HEATR4: variants seen among roughly 807,000 people sequenced by gnomAD.
The protein encoded by HEATR4 is HEAT repeat containing 4, also known as HEAT repeat-containing protein 4.
HEATR4 carries 95 observed loss-of-function variants against 108.8 expected under a neutral mutation model. That is an observed-to-expected ratio of 0.87 (90% CI 0.74 to 1.04). HEATR4 has a LOEUF of 1.04. Among genes scored for constraint, HEATR4 ranks in the 50% least tolerant of loss-of-function variants. The pLI, the probability that HEATR4 is intolerant of heterozygous loss-of-function variation, is 0.00. For synonymous variants in HEATR4, 443 were observed against 459.4 expected (o/e 0.96, Z 0.46); for missense variants, 1,152 against 1,253.8 (o/e 0.92, Z 1.23).
intron 2 of HEATR4, among the ~76,000 whole-genome samples, chr14:73,527,961 CAAAAAAA>C (rs34109465): frequency 0.011 from 602 of 52,728 alleles, 1 homozygote; most frequent in Admixed American, 0.019. Context: ...AACTCCATCT[CAAAAAAA>C]AAAAAAAAAA....
chr14:73,574,123 G>A, the HEATR4 span, among the ~76,000 whole-genome samples: 3 of 151,306 alleles, frequency 2.0e-5, no homozygotes, highest in Admixed American at 6.6e-5. Context: ...TGCCCACCTT[G>A]GCCTCCCAGA....
chr14:73,512,938 A>G (rs1464516556), intron 6 of HEATR4, among the ~76,000 whole-genome samples: 3 of 152,190 alleles, frequency 2.0e-5, no homozygotes, highest in Non-Finnish European at 4.4e-5. Flanking sequence ...CTCAAATACC[A>G]TAGCTTTCAA....
the HEATR4 span, among the ~76,000 whole-genome samples, chr14:73,615,388 T>TAAAAAAAAAAAAAAA: frequency 7.9e-5 from 5 of 63,314 alleles, no homozygotes; most frequent in African/African-American, 5.0e-4. Context: ...CTCTGTCTGA[T>TAAAAAAAAAAAAAAA]AAAAAAAAAA....
At chr14:73,614,746 CAAAA>C in the HEATR4 span, among the ~76,000 whole-genome samples, 12 of 113,030 alleles carry the variant, frequency 1.1e-4, no homozygotes, top group Non-Finnish European at 9.0e-5. Flanking sequence ...GACCCTGTCT[CAAAA>C]AAAAAAAAAA....
the HEATR4 span, among the ~76,000 whole-genome samples, chr14:73,564,206 G>T: frequency 6.6e-6 from 1 of 151,540 alleles, no homozygotes; most frequent in South Asian, 2.1e-4. Flanking sequence ...GCTGAGGCAG[G>T]TGAATCGCTG....
At position 73,535,792 on chromosome 14, in the gene HEATR4, A is replaced by C. The variant is rs1339726920; in HGVS notation, c.-151-5548T>G. On this transcript the variant is annotated intron_variant, in intron 1 of 17. Coordinates refer to ENST00000553558, the MANE Select transcript of HEATR4 (RefSeq NM_001220484.1). ...CCGCGCCTGGCCCCTTTTTCTTGTT[A>C]GAGACAGGGTCTTATCCAGGTTGGT... 3.5e-5 allele frequency among the ~76,000 whole-genome samples: 4 copies of C among 114,312 alleles called. 1 individual carries two copies. The highest frequency in any genetic ancestry group is 5.7e-5 in the Non-Finnish European group (3 of 52,458). 75.0% of individuals were successfully genotyped at this position (114,312 alleles called of 152,430 possible).
chr14:73,628,542 T>G, the HEATR4 span, among the ~76,000 whole-genome samples: 8 of 152,074 alleles, frequency 5.3e-5, no homozygotes, highest in Non-Finnish European at 1.0e-4. Context: ...TCATCTGAGG[T>G]CAAGAGTTTG....
At position 73,533,806 on chromosome 14, in the gene HEATR4, G is replaced by A. The variant is rs1378855946; in HGVS notation, c.-151-3562C>T. Among the ~76,000 whole-genome samples, 3 of 104,548 alleles carry A rather than the reference G, an allele frequency of 2.9e-5. 1 individual carries two copies. Among genetic ancestry groups the A allele is most frequent in the Non-Finnish European group, 6.0e-5 (3 of 49,628 alleles). 68.6% of individuals were successfully genotyped at this position (104,548 alleles called of 152,430 possible). A position where few individuals can be genotyped will look rare whatever the true frequency, so the allele number is the denominator to read the frequency against. Reference sequence around the variant, plus strand: ...CTCATGCGTGTAATTCTAGCGCTTTGAGAGGCCAAGGCAGGATGATCACTT... The same window carrying A: ...CTCATGCGTGTAATTCTAGCGCTTTAAGAGGCCAAGGCAGGATGATCACTT... On this transcript the variant is annotated intron_variant, in intron 1 of 17. Transcript: ENST00000553558.
the HEATR4 span, chr14:73,619,624 C>G: frequency 6.2e-7 from 1 of 1,614,048 alleles, no homozygotes. Flanking sequence ...AGAAAGACCC[C>G]AGATAATCTG....
the HEATR4 span, among the ~76,000 whole-genome samples, chr14:73,567,077 G>A: frequency 6.6e-6 from 1 of 152,052 alleles, no homozygotes; most frequent in Admixed American, 6.6e-5. Flanking sequence ...AAAGTTCTGG[G>A]ATTACAGGTG....
intron 17 of HEATR4, among the ~76,000 whole-genome samples, chr14:73,489,580 T>G (rs1782295390): frequency 6.6e-6 from 1 of 152,222 alleles, no homozygotes; most frequent in South Asian, 2.1e-4. Context: ...GAGTTTATCT[T>G]AAATGATTCA....
rs1885117047 is a variant in HEATR4 at position 73,478,802 on chromosome 14, G to T, written c.2885C>A (p.Ser962Ter). 1 of 1,610,720 alleles carries T rather than the reference G, an allele frequency of 6.2e-7. No homozygotes were observed. Among genetic ancestry groups the T allele is most frequent in the Non-Finnish European group, 8.5e-7 (1 of 1,178,458 alleles). The change falls in exon 18 of 18, where the codon TCA becomes TAA. Residue 962 changes from serine (S) to a stop codon, truncating the protein, a stop_gained. Coordinates refer to ENST00000553558, the MANE Select transcript of HEATR4 (RefSeq NM_001220484.1). LOFTEE classifies it low-confidence loss of function (END_TRUNC). ...PRAPNPWLQS[S>*]VPGLTTRSKV... The stretch of plus-strand genomic sequence containing the variant: ...GCTTCGTGTGGTTAGGCCTGGGACT[G>T]AACTTTGTAACCAGGGATTTGGTGC...
In HEATR4 at chr14:73,555,219, C is replaced by T. The variant is rs1595162890; in HGVS notation, c.-152+3532G>A. Among the ~76,000 whole-genome samples, 2 of 109,946 alleles carry T rather than the reference C, an allele frequency of 1.8e-5. 1 individual carries two copies. Among genetic ancestry groups the T allele is most frequent in the East Asian group, 1.4e-3 (2 of 1,412 alleles). The allele number at this position is 109,946 out of a possible 152,430, so 72.1% of individuals were successfully genotyped here. A position where few individuals can be genotyped will look rare whatever the true frequency, so the allele number is the denominator to read the frequency against. On this transcript the variant is annotated intron_variant, in intron 1 of 17. Transcript: ENST00000553558. ...TACCTCAAGGCATATAATAATCAAACTCTCAAAGGTCAAGGCTAAAAAAGG... is the reference window on the plus strand; with the variant it reads ...TACCTCAAGGCATATAATAATCAAATTCTCAAAGGTCAAGGCTAAAAAAGG...
At chr14:73,584,526 A>G in the HEATR4 span, among the ~76,000 whole-genome samples, 3 of 148,634 alleles carry the variant, frequency 2.0e-5, no homozygotes, top group African/African-American at 7.4e-5. Context: ...GTGCCCTGTG[A>G]TCATGAAGCT....
At chr14:73,619,640 C>A in the HEATR4 span, 1 of 1,614,064 alleles carries the variant, frequency 6.2e-7, no homozygotes, top group African/African-American at 1.3e-5. Flanking sequence ...ATCTGTTACC[C>A]AGAAACTGGT....
At chr14:73,604,645 C>T in the HEATR4 span, among the ~76,000 whole-genome samples, 3 of 152,162 alleles carry the variant, frequency 2.0e-5, no homozygotes, top group East Asian at 5.8e-4. Flanking sequence ...GCCACCACAC[C>T]TGGCTAATTT....
At chr14:73,569,109 A>G in the HEATR4 span, 3 of 1,083,302 alleles carry the variant, frequency 2.8e-6, no homozygotes, top group Non-Finnish European at 4.0e-6. Flanking sequence ...GTTTCAACAC[A>G]GGAGACTTTA....
rs1375116259 is a variant in HEATR4 at position 73,499,904 on chromosome 14, C to T, written c.2286+646G>A. Among the ~76,000 whole-genome samples the T allele has an allele frequency of 6.6e-5, 10 of 152,234 alleles. No individual in the cohort carries two copies. The East Asian group carries it at 9.7e-4, about 15-fold the overall frequency. On this transcript the variant is annotated intron_variant, in intron 12 of 17. Transcript: ENST00000553558. ...ATGTGGCCTAGGACAACTTGGAATG[C>T]GGCCCAACACAAATTTGTAAACTTT...
the HEATR4 span, chr14:73,575,026 A>G: frequency 1.0e-5 from 16 of 1,592,644 alleles, no homozygotes; most frequent in African/African-American, 1.4e-5. Flanking sequence ...TCTGTGGCCA[A>G]TGTTGGGGGA....
Sources: gnomAD v4.1 joint callset for allele counts (sites outside exome capture counted in the v4.1 genomes callset) on GRCh38, gnomAD v4.1.1 for gene constraint, MANE v1.5 for transcripts, NCBI Gene and HGNC (gene_info 2026-07-23, HGNC 2026-07-21) for gene names.